Variants in RIMS1 observed in about 807,000 individuals in gnomAD.
RIMS1 encodes regulating synaptic membrane exocytosis 1.
A neutral mutation model predicts 214.1 loss-of-function variants in RIMS1; 83 were observed. That is an observed-to-expected ratio of 0.39 (90% CI 0.32 to 0.47). The LOEUF (loss-of-function observed/expected upper bound fraction) is 0.47. Among genes scored for constraint, RIMS1 ranks in the 20% least tolerant of loss-of-function variants. The probability of loss-of-function intolerance (pLI) is 0.99; values close to 1 mark genes in which losing one functional copy is unlikely to be tolerated. For synonymous variants in RIMS1, 793 were observed against 786.8 expected, an observed-to-expected ratio of 1.01 and a Z score of -0.13; for missense variants, 2,050 against 2,161.8, an observed-to-expected ratio of 0.95 and a Z score of 1.03.
intron 1 of RIMS1, among the ~76,000 whole-genome samples, chr6:71,936,305 C>A (rs1381873719): frequency 9.1e-6 from 1 of 109,396 alleles, no homozygotes; most frequent in African/African-American, 3.6e-5. Context: ...CCAGCCTGGG[C>A]GACAGAGCGA....
intron 2 of RIMS1, among the ~76,000 whole-genome samples, chr6:72,026,685 C>A (rs944758074): frequency 6.6e-6 from 1 of 152,040 alleles, no homozygotes; most frequent in Non-Finnish European, 1.5e-5. Context: ...CTTATCTAAT[C>A]AACAGATAGA....
intron 29 of RIMS1, among the ~76,000 whole-genome samples, chr6:72,356,677 T>C (rs1201873149): frequency 6.6e-6 from 1 of 151,994 alleles, no homozygotes; most frequent in African/African-American, 2.4e-5. Flanking sequence ...GGAGAATCGC[T>C]TGAACCCCAG....
intron 4 of RIMS1, among the ~76,000 whole-genome samples, chr6:72,150,882 T>C (rs2043463130): frequency 6.6e-6 from 1 of 152,194 alleles, no homozygotes; most frequent in Non-Finnish European, 1.5e-5. Context: ...TTGATGTCTT[T>C]TTCTGCTTTT....
intron 23 of RIMS1, among the ~76,000 whole-genome samples, chr6:72,282,305 T>C (rs1214646746): frequency 6.6e-6 from 1 of 152,104 alleles, no homozygotes; most frequent in African/African-American, 2.4e-5. Context: ...TTATGCCTTC[T>C]TCCCTGTGCT....
At chr6:72,152,435 CT>C (rs1328975199) in intron 4 of RIMS1, among the ~76,000 whole-genome samples, 4 of 152,208 alleles carry the variant, frequency 2.6e-5, no homozygotes, top group African/African-American at 9.6e-5. Flanking sequence ...CTATGCAGCT[CT>C]TTGTGAAATC....
chr6:72,260,818 A>G (rs769747708), intron 19 of RIMS1, 51 bp downstream of exon 19: 2 of 1,598,476 alleles, frequency 1.3e-6, no homozygotes, highest in East Asian at 4.5e-5. Flanking sequence ...CTCTCTTTCC[A>G]TTCTATTATT....
intron 4 of RIMS1, among the ~76,000 whole-genome samples, chr6:72,121,999 A>T (rs1384308110): frequency 2.0e-5 from 3 of 151,940 alleles, no homozygotes; most frequent in African/African-American, 7.2e-5. Context: ...CCCAGGGATG[A>T]AGCCAACTTG....
chr6:72,290,379 TAAAACAAAAC>T (rs199945462), intron 24 of RIMS1, among the ~76,000 whole-genome samples: 1 of 152,028 alleles, frequency 6.6e-6, no homozygotes, highest in Non-Finnish European at 1.5e-5. Context: ...TACAGCTCTA[TAAAACAAAAC>T]AAAACAAAAC....
chr6:72,052,589 T>A (rs1177276353), intron 2 of RIMS1, among the ~76,000 whole-genome samples: 1 of 152,190 alleles, frequency 6.6e-6, no homozygotes, highest in East Asian at 1.9e-4. Flanking sequence ...GACTTTGAAA[T>A]TGGACCAACC....
chr6:72,368,323 A>G (rs2098110661), intron 29 of RIMS1, among the ~76,000 whole-genome samples: 1 of 107,302 alleles, frequency 9.3e-6, no homozygotes, highest in Non-Finnish European at 1.8e-5. Context: ...TTTTTTTGAG[A>G]CAGAGTCTCG....
intron 2 of RIMS1, among the ~76,000 whole-genome samples, chr6:72,064,335 G>A (rs1402755694): frequency 2.0e-5 from 3 of 149,760 alleles, no homozygotes; most frequent in Non-Finnish European, 4.5e-5. Context: ...GAAAGAAAGA[G>A]AGAGAGAGAG....
chr6:72,061,833 T>G (rs1050490080), intron 2 of RIMS1, among the ~76,000 whole-genome samples: 3 of 152,252 alleles, frequency 2.0e-5, no homozygotes, highest in African/African-American at 7.2e-5. Flanking sequence ...CACAATAACA[T>G]TTTTATTTTT....
At position 72,003,628 on chromosome 6, in the gene RIMS1, GTC is replaced by G. The variant is rs1313416997; in HGVS notation, c.245+34567_245+34568del. On this transcript the variant is annotated intron_variant, in intron 2 of 33. Transcript: ENST00000521978. ...TGTGTGTCTGTGTGTGTGTGTGTGT[GTC>G]TGTGTGTCTGTGTGTGTGATAAGAA... is the stretch of plus-strand genomic sequence containing the variant. Among the ~76,000 whole-genome samples, 6 of 151,896 alleles carry G rather than the reference GTC, an allele frequency of 4.0e-5. No homozygotes were observed. In the South Asian group the frequency reaches 6.2e-4, roughly 16 times the overall value.
intron 26 of RIMS1, among the ~76,000 whole-genome samples, chr6:72,300,538 C>T (rs1267137031): frequency 6.6e-6 from 1 of 151,792 alleles, no homozygotes; most frequent in African/African-American, 2.4e-5. Context: ...GTATAAATAA[C>T]ATGGCTTCCT....
intron 1 of RIMS1, among the ~76,000 whole-genome samples, chr6:71,962,325 A>G (rs1793198729): frequency 6.6e-6 from 1 of 152,154 alleles, no homozygotes; most frequent in Non-Finnish European, 1.5e-5. Flanking sequence ...TGTTTTGTGA[A>G]TAATTTCCTG....
intron 1 of RIMS1, among the ~76,000 whole-genome samples, chr6:71,964,304 C>T (rs762687910): frequency 1.3e-5 from 2 of 152,106 alleles, no homozygotes; most frequent in Non-Finnish European, 2.9e-5. Flanking sequence ...AGGACTCTGG[C>T]ACTTCCTTGT....
intron 9 of RIMS1, among the ~76,000 whole-genome samples, chr6:72,241,297 AG>A (rs2066804052): frequency 6.6e-6 from 1 of 152,210 alleles, no homozygotes; most frequent in Non-Finnish European, 1.5e-5. Flanking sequence ...CTAGACACTG[AG>A]AACAACAAAA....
chr6:72,204,394 A>G (rs1395956026), intron 6 of RIMS1, among the ~76,000 whole-genome samples: 1 of 152,176 alleles, frequency 6.6e-6, no homozygotes, highest in African/African-American at 2.4e-5. Context: ...CATGCCCTTC[A>G]ATCTTCACAG....
At chr6:71,890,580 A>C (rs1228093782) in intron 1 of RIMS1, among the ~76,000 whole-genome samples, 7 of 143,056 alleles carry the variant, frequency 4.9e-5, no homozygotes, top group African/African-American at 1.3e-4. Context: ...TAAAAAAAAA[A>C]AAAAAAAAAA....
Sources: allele counts gnomAD v4.1 joint callset (sites outside exome capture counted in the v4.1 genomes callset), GRCh38; gene constraint gnomAD v4.1.1; transcripts MANE v1.5; gene names NCBI Gene and HGNC (gene_info 2026-07-23, HGNC 2026-07-21).